CACNA1A: variants seen among roughly 807,000 people sequenced by gnomAD.
The protein encoded by CACNA1A is voltage-dependent P/Q-type calcium channel subunit alpha-1A.
A neutral mutation model predicts 262.4 loss-of-function variants in CACNA1A; 57 were observed. The ratio of observed to expected loss-of-function variants is 0.22; its 90% CI spans 0.18 to 0.27. The LOEUF is 0.27. CACNA1A is among the 10% of genes least tolerant of loss of function. CACNA1A has a pLI of 1.00. For synonymous variants in CACNA1A, 1,431 were observed against 1,419.3 expected (o/e 1.01, Z -0.18); for missense variants, 2,526 against 3,562.8 (o/e 0.71, Z 7.41).
chr19:13,457,233 T>C (rs2061029053), intron 1 of CACNA1A, among the ~76,000 whole-genome samples: 1 of 151,158 alleles, frequency 6.6e-6, no homozygotes, highest in African/African-American at 2.4e-5. Context: ...GCCTGGGCAA[T>C]GGGAGTGAGA....
intron 3 of CACNA1A, among the ~76,000 whole-genome samples, chr19:13,423,444 G>A (rs1010038626): frequency 6.6e-6 from 1 of 152,172 alleles, no homozygotes; most frequent in Non-Finnish European, 1.5e-5. Flanking sequence ...AGGGGAGAAG[G>A]AGGTGAAGTG....
intron 1 of CACNA1A, among the ~76,000 whole-genome samples, chr19:13,467,130 C>T (rs2061260054): frequency 6.6e-6 from 1 of 151,946 alleles, no homozygotes; most frequent in South Asian, 2.1e-4. Flanking sequence ...GGGAAGCAGC[C>T]AGTACAAAGA....
chr19:13,351,953 T>C (rs960204137), intron 6 of CACNA1A, among the ~76,000 whole-genome samples: 1 of 152,214 alleles, frequency 6.6e-6, no homozygotes, highest in African/African-American at 2.4e-5. Flanking sequence ...CCATTTATTA[T>C]TGATGTATCA....
intron 3 of CACNA1A, among the ~76,000 whole-genome samples, chr19:13,400,121 G>T (rs2059873817): frequency 6.6e-6 from 1 of 152,040 alleles, no homozygotes; most frequent in Non-Finnish European, 1.5e-5. Context: ...CACCCATAGG[G>T]TCACCCCAAA....
rs1183097814 is a variant in CACNA1A, at chr19:13,413,895, A to AAGAAAAAGAAAGAAAGAAAGAAAGAAAG, written c.539+38980_539+38981insCTTTCTTTCTTTCTTTCTTTCTTTTTCT. On this transcript the variant is annotated intron_variant, in intron 3 of 46. Coordinates refer to ENST00000360228, the MANE Select transcript of CACNA1A (RefSeq NM_001127222.2). ...GACTCTGTCAAGAAAGAAAGAAAGA[A>AAGAAAAAGAAAGAAAGAAAGAAAGAAAG]AAAGAAAGAAAGAAAGAAAGAAAGA... Among the ~76,000 whole-genome samples the AAGAAAAAGAAAGAAAGAAAGAAAGAAAG allele has an allele frequency of 1.1e-4, 13 of 119,220 alleles. 1 individual carries two copies. The highest frequency in any genetic ancestry group is 5.3e-4 in the African/African-American group (13 of 24,646). 78.2% of individuals were successfully genotyped at this position (119,220 alleles called of 152,430 possible). A position where few individuals can be genotyped will look rare whatever the true frequency, so the allele number is the denominator to read the frequency against.
intron 3 of CACNA1A, among the ~76,000 whole-genome samples, chr19:13,404,316 C>T (rs1344317721): frequency 6.6e-6 from 1 of 152,152 alleles, no homozygotes; most frequent in Non-Finnish European, 1.5e-5. Flanking sequence ...GAGAGCAGAG[C>T]CAATCCCTGC....
intron 11 of CACNA1A, chr19:13,316,219 A>G (rs1228456550): frequency 6.6e-6 from 1 of 152,172 alleles, no homozygotes; most frequent in Non-Finnish European, 1.5e-5. Context: ...CAGCCTCCCA[A>G]AATGCTGGGA....
intron 1 of CACNA1A, among the ~76,000 whole-genome samples, chr19:13,493,888 C>T (rs115041489): frequency 1.6e-3 from 250 of 152,354 alleles, no homozygotes; most frequent in African/African-American, 5.9e-3. Context: ...TACAGCACCA[C>T]TGTATGAATT....
At chr19:13,442,343 G>T (rs2060737657) in intron 3 of CACNA1A, among the ~76,000 whole-genome samples, 1 of 152,132 alleles carries the variant, frequency 6.6e-6, no homozygotes, top group African/African-American at 2.4e-5. Flanking sequence ...GGAAGCCAGG[G>T]TATTTATACA....
chr19:13,275,612 T>C, intron 24 of CACNA1A: 2 of 548,694 alleles, frequency 3.6e-6, no homozygotes, highest in East Asian at 3.2e-5. Flanking sequence ...CTGAGGCCCG[T>C]TGCTGTGTGA....
intron 3 of CACNA1A, among the ~76,000 whole-genome samples, chr19:13,399,418 A>G (rs957397854): frequency 1.3e-5 from 2 of 148,814 alleles, no homozygotes; most frequent in African/African-American, 5.2e-5. Context: ...GAAGAAGAAG[A>G]AGAAGGAGAG....
intron 3 of CACNA1A, among the ~76,000 whole-genome samples, chr19:13,388,803 C>T (rs908197191): frequency 1.3e-5 from 2 of 152,056 alleles, no homozygotes; most frequent in Non-Finnish European, 2.9e-5. Context: ...AAAACACGTG[C>T]GATATTTTGA....
intron 3 of CACNA1A, among the ~76,000 whole-genome samples, chr19:13,445,733 A>G (rs930802244): frequency 2.0e-5 from 3 of 152,146 alleles, no homozygotes; most frequent in Non-Finnish European, 4.4e-5. Flanking sequence ...CCTCTTACAC[A>G]TTTTCAGTTT....
chr19:13,325,042 T>C (rs1250175553), intron 10 of CACNA1A, among the ~76,000 whole-genome samples: 6 of 151,764 alleles, frequency 4.0e-5, no homozygotes, highest in African/African-American at 1.2e-4. Flanking sequence ...TTCCTCTTCT[T>C]CTTCCTCTTC....
chr19:13,363,338 C>CTCTCTG (rs1963270407), intron 5 of CACNA1A: 1 of 148,826 alleles, frequency 6.7e-6, no homozygotes, highest in African/African-American at 2.5e-5. Flanking sequence ...CTCTCTCTCT[C>CTCTCTG]GCATTTCCGC....
chr19:13,227,648 C>T (rs773249252), intron 36 of CACNA1A, 121 bp from the exon 37 acceptor site: 4 of 395,060 alleles, frequency 1.0e-5, no homozygotes, highest in Non-Finnish European at 1.8e-5. Context: ...GAAATCCACA[C>T]GAGCCGAAAA....
chr19:13,376,808 A>G (rs2059420636), intron 3 of CACNA1A, among the ~76,000 whole-genome samples: 1 of 75,470 alleles, frequency 1.3e-5, no homozygotes, highest in Admixed American at 1.2e-4. Context: ...CACATAATAT[A>G]TGTTATGTGT....
At chr19:13,276,136 C>T (rs375940381) in intron 23 of CACNA1A, among the ~76,000 whole-genome samples, 180 bp from the exon 24 acceptor site, 1 of 152,130 alleles carries the variant, frequency 6.6e-6, no homozygotes, top group Non-Finnish European at 1.5e-5. Flanking sequence ...CCCCATGAGG[C>T]GGCCCCCCTT....
intron 6 of CACNA1A, among the ~76,000 whole-genome samples, chr19:13,336,635 GA>G (rs2058580204): frequency 1.4e-5 from 2 of 147,522 alleles, no homozygotes; most frequent in African/African-American, 2.5e-5. Flanking sequence ...GAGAGAGAGA[GA>G]GAGAAAAGAA....
Sources: gnomAD v4.1 joint callset for allele counts (sites outside exome capture counted in the v4.1 genomes callset) on GRCh38, gnomAD v4.1.1 for gene constraint, MANE v1.5 for transcripts, NCBI Gene and HGNC (gene_info 2026-07-23, HGNC 2026-07-21) for gene names.